CPPED1: variants seen among roughly 807,000 people sequenced by gnomAD.
CPPED1 encodes the protein calcineurin like phosphoesterase domain containing 1.
CPPED1 carries 28 observed loss-of-function variants against 28.0 expected under a neutral mutation model. The ratio of observed to expected loss-of-function variants is 1.00; its 90% confidence interval spans 0.74 to 1.37. The LOEUF is 1.37. CPPED1 is among the 40% of genes most tolerant of loss of function. CPPED1 has a pLI of 0.00. For missense variants in CPPED1, 504 were observed against 416.5 expected (o/e 1.21, Z -1.83); for synonymous variants, 198 against 180.2 (o/e 1.10, Z -0.79).
At chr16:12,697,351 T>C (rs1333713666) in intron 3 of CPPED1, among the ~76,000 whole-genome samples, 1 of 147,776 alleles carries the variant, frequency 6.8e-6, no homozygotes, top group Admixed American at 6.9e-5. Flanking sequence ...TTAGACATCT[T>C]ACATGCACCA....
chr16:12,677,276 G>A (rs1463320099), intron 3 of CPPED1, among the ~76,000 whole-genome samples: 1 of 152,242 alleles, frequency 6.6e-6, no homozygotes, highest in Non-Finnish European at 1.5e-5. Context: ...GATAGGCGAG[G>A]GCGGGGAAAG....
At chr16:12,725,849 T>G (rs1232702493) in intron 2 of CPPED1, among the ~76,000 whole-genome samples, 5 of 152,192 alleles carry the variant, frequency 3.3e-5, no homozygotes, top group African/African-American at 1.2e-4. Flanking sequence ...TCTGTCACTT[T>G]GACACCACCT....
chr16:12,754,705 A>G (rs777636909), intron 2 of CPPED1, among the ~76,000 whole-genome samples: 6 of 152,122 alleles, frequency 3.9e-5, no homozygotes, highest in Non-Finnish European at 8.8e-5. Context: ...AAAAAATGTT[A>G]AAGTGTAGCA....
chr16:12,795,329 C>CACCT (rs1388139699), intron 1 of CPPED1, among the ~76,000 whole-genome samples: 1 of 152,144 alleles, frequency 6.6e-6, no homozygotes, highest in Non-Finnish European at 1.5e-5. Context: ...AGTGCACAGC[C>CACCT]ACCTGGTGTA....
intron 1 of CPPED1, among the ~76,000 whole-genome samples, chr16:12,797,648 G>A (rs937509892): frequency 3.3e-5 from 5 of 152,094 alleles, no homozygotes; most frequent in Admixed American, 1.3e-4. Flanking sequence ...GGGCCACAAC[G>A]GAAGAACTGT....
intron 2 of CPPED1, among the ~76,000 whole-genome samples, chr16:12,730,312 T>C (rs2080190860): frequency 6.6e-6 from 1 of 152,116 alleles, no homozygotes; most frequent in Admixed American, 6.6e-5. Context: ...GCAGCTGACT[T>C]AGTTTAAGTT....
rs2080674043 is a variant in CPPED1, at chr16:12,803,601, C to A, written c.70+106G>T. 6 of 1,025,472 alleles carry A rather than the reference C, an allele frequency of 5.9e-6. No individual in the cohort carries two copies. The East Asian group carries it at 9.7e-5, about 17-fold the overall frequency. The allele number at this position is 1,025,472 out of a possible 1,614,324, so 63.5% of individuals were successfully genotyped here. On this transcript the variant is annotated intron_variant, in intron 1 of 3. Transcript: ENST00000381774. ...GGCGGCTCCCAGGCCCCGGTGCAGC[C>A]CCGGATGGTGTCCGACTGGCGGAGC... is the stretch of plus-strand genomic sequence containing the variant.
At chr16:12,723,073 G>A (rs553474505) in intron 2 of CPPED1, among the ~76,000 whole-genome samples, 18 of 152,214 alleles carry the variant, frequency 1.2e-4, no homozygotes, top group African/African-American at 2.9e-4. Flanking sequence ...CAGGAGGGTC[G>A]GCAACGTCTC....
chr16:12,732,885 A>C (rs2080206639), intron 2 of CPPED1, among the ~76,000 whole-genome samples: 1 of 152,162 alleles, frequency 6.6e-6, no homozygotes, highest in South Asian at 2.1e-4. Context: ...GATCCATCTA[A>C]AAAGGAGGCA....
chr16:12,799,864 T>C lies in CPPED1; in HGVS notation c.70+3843A>G, dbSNP rs1023623739. On this transcript the variant is annotated intron_variant, in intron 1 of 3. Transcript: ENST00000381774. ...GGGACTGCATGGCTCACAGAGGAGATCAAGTGCTGGCCCCACTTCTAGATT... is the reference window on the plus strand; with the variant it reads ...GGGACTGCATGGCTCACAGAGGAGACCAAGTGCTGGCCCCACTTCTAGATT... Among the ~76,000 whole-genome samples the C allele has an allele frequency of 3.9e-5, 6 of 152,264 alleles. No individual in the cohort carries two copies. In the South Asian group the frequency reaches 1.2e-3, roughly 32 times the overall value.
At chr16:12,671,875 C>A (rs1288100875) in intron 3 of CPPED1, among the ~76,000 whole-genome samples, 2 of 152,160 alleles carry the variant, frequency 1.3e-5, no homozygotes, top group Non-Finnish European at 2.9e-5. Context: ...ATACACAAAT[C>A]CCTACCATGG....
Position 12,694,784 on chromosome 16 carries a change from T to C in CPPED1, c.715+9840A>G, listed in dbSNP as rs567241856. ...AGATAGTTTTTTAAAAACCCCCCCC[T>C]TTTTTTTTTTGAGATGGAGTTTTGC... On this transcript the variant is annotated intron_variant, in intron 3 of 3. Transcript: ENST00000381774. 4.8e-4 allele frequency among the ~76,000 whole-genome samples: 69 copies of C among 144,782 alleles called. 1 individual carries two copies. The highest frequency in any genetic ancestry group is 3.6e-3 in the Middle Eastern group (1 of 278). The allele number at this position is 144,782 out of a possible 152,430, so 95.0% of individuals were successfully genotyped here. A position where few individuals can be genotyped will look rare whatever the true frequency, so the allele number is the denominator to read the frequency against.
At chr16:12,711,621 G>T (rs2080080391) in intron 2 of CPPED1, among the ~76,000 whole-genome samples, 1 of 152,256 alleles carries the variant, frequency 6.6e-6, no homozygotes, top group South Asian at 2.1e-4. Context: ...AGTGGAGGGT[G>T]GGGCTGGAAG....
chr16:12,740,636 G>A (rs1022506344), intron 2 of CPPED1, among the ~76,000 whole-genome samples: 1 of 152,122 alleles, frequency 6.6e-6, no homozygotes, highest in Non-Finnish European at 1.5e-5. Context: ...AGAAGGGAGT[G>A]CTTGGCCCAC....
At position 12,667,277 on chromosome 16, in the gene CPPED1, T is replaced by C. The variant is rs745448320; in HGVS notation, c.716-2162A>G. ...AGATGAAATTAATTATTTAAGATTGTCTGACAAATATTTCAAATCAATGTG... is the reference window on the plus strand; with the variant it reads ...AGATGAAATTAATTATTTAAGATTGCCTGACAAATATTTCAAATCAATGTG... On this transcript the variant is annotated intron_variant, in intron 3 of 3. Transcript: ENST00000381774. 9.9e-5 allele frequency among the ~76,000 whole-genome samples: 15 copies of C among 152,194 alleles called. 1 individual carries two copies. Among genetic ancestry groups the C allele is most frequent in the Non-Finnish European group, 2.2e-4 (15 of 68,038 alleles).
intron 2 of CPPED1, among the ~76,000 whole-genome samples, chr16:12,756,047 C>T (rs531234521): frequency 2.2e-4 from 33 of 151,726 alleles, no homozygotes; most frequent in African/African-American, 7.5e-4. Flanking sequence ...AGGAGAATGG[C>T]GTGAACCCAG....
rs2079919074 is a variant in CPPED1 at position 12,683,909 on chromosome 16, C to T, written c.716-18794G>A. Among the ~76,000 whole-genome samples the T allele has an allele frequency of 1.3e-5, 2 of 152,196 alleles. 1 individual carries two copies. Among genetic ancestry groups the T allele is most frequent in the South Asian group, 4.1e-4 (2 of 4,832 alleles). Reference sequence around the variant, plus strand: ...AGGATTTCAATAAGGATCCAGCCTCCTTCCATCTTTCTGTTTTGCCTTCCT... The same window carrying T: ...AGGATTTCAATAAGGATCCAGCCTCTTTCCATCTTTCTGTTTTGCCTTCCT... On this transcript the variant is annotated intron_variant, in intron 3 of 3. Coordinates refer to ENST00000381774, the MANE Select transcript of CPPED1 (RefSeq NM_018340.3).
At chr16:12,759,129 C>T (rs567306372) in intron 2 of CPPED1, among the ~76,000 whole-genome samples, 1 of 142,902 alleles carries the variant, frequency 7.0e-6, no homozygotes, top group East Asian at 2.1e-4. Flanking sequence ...CACCACTGCA[C>T]TCCAGCTTGG....
chr16:12,752,668 T>G (rs922478343), intron 2 of CPPED1, among the ~76,000 whole-genome samples: 10 of 147,142 alleles, frequency 6.8e-5, no homozygotes, highest in African/African-American at 2.0e-4. Flanking sequence ...TGATATATAA[T>G]ATATATTTAT....
Sources: gnomAD v4.1 joint callset for allele counts (sites outside exome capture counted in the v4.1 genomes callset) on GRCh38, gnomAD v4.1.1 for gene constraint, MANE v1.5 for transcripts, NCBI Gene and HGNC (gene_info 2026-07-23, HGNC 2026-07-21) for gene names.